The following STT3A variants were observed in gnomAD, a reference collection of about 807,000 sequenced individuals.
STT3A encodes dolichyl-diphosphooligosaccharide--protein glycosyltransferase subunit STT3A.
Under a neutral mutation model 89.2 loss-of-function variants are expected in STT3A, and 34 were observed. The ratio of observed to expected loss-of-function variants is 0.38; its 90% CI spans 0.29 to 0.51. The LOEUF is 0.51. STT3A is among the 20% of genes least tolerant of loss of function. The probability of loss-of-function intolerance (pLI) is 0.89; values close to 1 mark genes in which losing one functional copy is unlikely to be tolerated. For missense variants in STT3A, 555 were observed against 889.5 expected (o/e 0.62, Z 4.78); for synonymous variants, 282 against 310.3 (o/e 0.91, Z 0.96).
chr11:125,611,568 G>C, intron 11 of STT3A, 49 bp downstream of exon 11: 2 of 1,539,070 alleles, frequency 1.3e-6, no homozygotes, highest in Middle Eastern at 3.4e-4. Context: ...ACTCTGAGGT[G>C]CTTTTTTATC....
At chr11:125,592,157 A>G (rs1180200092), upstream of STT3A, among the ~76,000 whole-genome samples, 1 of 152,194 alleles carries the variant, frequency 6.6e-6, no homozygotes, top group Non-Finnish European at 1.5e-5. Flanking sequence ...AGCTGGCAGT[A>G]GAAATGCTTC....
At chr11:125,619,928 A>G (rs1421199828) in intron 16 of STT3A, 83 bp from the exon 17 acceptor site, 1 of 1,146,800 alleles carries the variant, frequency 8.7e-7, no homozygotes, top group African/African-American at 1.5e-5. Context: ...ATCAATTAGT[A>G]GATGGTTTCC....
At chr11:125,612,526 T>TG (rs1940057141) in intron 11 of STT3A, 66 bp from the exon 12 acceptor site, 8 of 1,539,748 alleles carry the variant, frequency 5.2e-6, no homozygotes. Flanking sequence ...CTTGATCTAC[T>TG]AATAGGCTGA....
intron 7 of STT3A, 46 bp from the exon 8 acceptor site, chr11:125,606,255 T>C (rs1217043197): frequency 1.3e-6 from 2 of 1,565,976 alleles, no homozygotes; most frequent in Non-Finnish European, 8.7e-7. Flanking sequence ...GGTGGTGGTC[T>C]GAGGAGGCAT....
chr11:125,620,918 G>A lies in STT3A; in HGVS notation c.*108G>A. 1.1e-6 allele frequency: 1 copy of A among 915,410 alleles called. No individual in the cohort carries two copies. The highest frequency in any genetic ancestry group is 1.6e-6 in the Non-Finnish European group (1 of 619,342). The allele number at this position is 915,410 out of a possible 1,614,324, so 56.7% of individuals were successfully genotyped here. A position where few individuals can be genotyped will look rare whatever the true frequency, so the allele number is the denominator to read the frequency against. On this transcript the variant is annotated 3_prime_UTR_variant, in exon 18 of 18. Coordinates refer to ENST00000392708, the MANE Select transcript of STT3A (RefSeq NM_152713.5). ...ATATGCAGTTTGTAAGAACAAAACTGGATGGCATCAGAATTGTCTGGAAGT... is the reference window on the plus strand; with the variant it reads ...ATATGCAGTTTGTAAGAACAAAACTAGATGGCATCAGAATTGTCTGGAAGT...
rs1420812103 is a variant in STT3A at position 125,618,628 on chromosome 11, C to CAT, written c.1963+70_1963+71dup. The CAT allele has an allele frequency of 4.7e-6, 7 of 1,488,412 alleles. No individual in the cohort carries two copies. The Admixed American group carries it at 1.0e-4, about 21-fold the overall frequency. 92.2% of individuals were successfully genotyped at this position (1,488,412 alleles called of 1,614,324 possible). A position where few individuals can be genotyped will look rare whatever the true frequency, so the allele number is the denominator to read the frequency against. On this transcript the variant is annotated intron_variant, in intron 16 of 17. Transcript: ENST00000392708. ...GTGATTACTAATACACAGTATTTTC[C>CAT]ATATGCCAAGCACTAGTAAGTGCTT...
rs770852125 is a variant in STT3A at position 125,618,578 on chromosome 11, A to G, written c.1963+17A>G. On this transcript the variant is annotated intron_variant, in intron 16 of 17. Transcript: ENST00000392708. ...CAGAAGCCAGTGAGTGACTCATAAT[A>G]ATATTAATAACAGTAGTAATAATAG... is the stretch of plus-strand genomic sequence containing the variant. 5.0e-6 allele frequency: 7 copies of G among 1,410,788 alleles called. No individual in the cohort carries two copies. The South Asian group carries it at 7.2e-5, about 15-fold the overall frequency. The allele number at this position is 1,410,788 out of a possible 1,614,324, so 87.4% of individuals were successfully genotyped here. A position where few individuals can be genotyped will look rare whatever the true frequency, so the allele number is the denominator to read the frequency against.
intron 9 of STT3A, among the ~76,000 whole-genome samples, chr11:125,609,175 A>G (rs1326882023): frequency 6.6e-6 from 1 of 152,190 alleles, no homozygotes; most frequent in Non-Finnish European, 1.5e-5. Context: ...AAACCCTTTC[A>G]GGTAGCATTT....
Position 125,614,128 on chromosome 11 carries a change from T to C in STT3A, c.1596T>C (p.Ile532=), listed in dbSNP as rs758462922. The change falls in exon 14 of 18, where the codon ATT becomes ATC. Residue 532 remains isoleucine, a synonymous_variant. Coordinates refer to ENST00000392708, the MANE Select transcript of STT3A (RefSeq NM_152713.5). The surrounding 1 kb of genome is among the most constrained non-coding windows in gnomAD (Gnocchi z 4.9). ...CCTGGTGGGATTATGGCTATCAGAT[T>C]ACAGCTATGGCAAACCGAACAATTT... is the stretch of plus-strand genomic sequence containing the variant. The part of the protein sequence containing the change: ...VMSWWDYGYQ[I]TAMANRTILV... The C allele has an allele frequency of 9.3e-6, 15 of 1,614,188 alleles. No individual in the cohort carries two copies. In the East Asian group the frequency reaches 3.3e-4, roughly 36 times the overall value.
intron 16 of STT3A, 125 bp downstream of exon 16, chr11:125,618,686 A>AC: frequency 1.1e-6 from 1 of 898,210 alleles, no homozygotes; most frequent in East Asian, 2.7e-5. Flanking sequence ...CCTCACAGCA[A>AC]CCCCAAAGGC....
At chr11:125,593,610 A>T (rs1565339400) in intron 1 of STT3A, 1 of 152,210 alleles carries the variant, frequency 6.6e-6, no homozygotes, top group Non-Finnish European at 1.5e-5. Context: ...GTATCAACGC[A>T]GTGGTGTTAA....
Position 125,612,973 on chromosome 11 carries a change from C to A in STT3A, c.1366-16C>A. 6.2e-7 allele frequency: 1 copy of A among 1,612,566 alleles called. No individual in the cohort carries two copies. The highest frequency in any genetic ancestry group is 1.1e-5 in the South Asian group (1 of 90,998). ...AGTTTGGTTAACTACACAATTAATT[C>A]TTTTTCCTTGTTTAGGTGGCAAGTG... On this transcript the variant is annotated splice_polypyrimidine_tract_variant and intron_variant, in intron 12 of 17. Transcript: ENST00000392708.
At chr11:125,603,888 G>C (rs551983420) in intron 5 of STT3A, among the ~76,000 whole-genome samples, 1 of 152,326 alleles carries the variant, frequency 6.6e-6, no homozygotes, top group Admixed American at 6.5e-5. Context: ...TTCTGGGACA[G>C]TATTGATGTT....
At position 125,620,890 on chromosome 11, in the gene STT3A, T is replaced by TC; in HGVS notation, c.*80_*81insC. 1 of 1,235,172 alleles carries TC rather than the reference T, an allele frequency of 8.1e-7. No homozygotes were observed. The allele number at this position is 1,235,172 out of a possible 1,614,324, so 76.5% of individuals were successfully genotyped here. On this transcript the variant is annotated 3_prime_UTR_variant, in exon 18 of 18. Coordinates refer to ENST00000392708, the MANE Select transcript of STT3A (RefSeq NM_152713.5). The stretch of plus-strand genomic sequence containing the variant: ...TGAAGATTTTTTTTTTTTTTTTTTT[T>TC]TAATATGCAGTTTGTAAGAACAAAA...
Position 125,597,098 on chromosome 11 carries a change from G to C in STT3A, c.128G>C (p.Ser43Thr). The C allele has an allele frequency of 1.2e-6, 2 of 1,614,026 alleles. No individual in the cohort carries two copies. Among genetic ancestry groups the C allele is most frequent in the Non-Finnish European group, 1.7e-6 (2 of 1,180,010 alleles). ...CTGTTTGCTGTCCTGAGATTTGAAA[G>C]TGTTATCCATGAGTTTGATCCGTGA... Reference protein sequence around the residue: ...TRLFAVLRFESVIHEFDPYFN... With the variant: ...TRLFAVLRFETVIHEFDPYFN... Residue 43 changes from serine to threonine, a missense_variant, in exon 3 of 18, where the codon AGT becomes ACT. Around this residue, in one of 5 missense-constraint regions of STT3A, gnomAD observed 129 missense variants for 193.2 expected, o/e 0.67. Transcript: ENST00000392708.
At chr11:125,618,582 T>TTAA (rs1375264814) in intron 16 of STT3A, 21 bp downstream of exon 16, 2 of 1,408,430 alleles carry the variant, frequency 1.4e-6, no homozygotes, top group East Asian at 2.2e-5. Flanking sequence ...CATAATAATA[T>TTAA]TAATAACAGT....
Position 125,614,491 on chromosome 11 carries a change from T to A in STT3A, c.1774+65T>A. 1 of 1,436,398 alleles carries A rather than the reference T, an allele frequency of 7.0e-7. No individual in the cohort carries two copies. Among genetic ancestry groups the A allele is most frequent in the Non-Finnish European group, 9.7e-7 (1 of 1,034,580 alleles). The allele number at this position is 1,436,398 out of a possible 1,614,324, so 89.0% of individuals were successfully genotyped here. On this transcript the variant is annotated intron_variant, in intron 15 of 17. Transcript: ENST00000392708. This position sits in a 1 kb window ranked among gnomAD's most constrained non-coding sequence, Gnocchi z 4.9. ...TTCTAAGAAAACTAGATGAATATCC[T>A]AGTTTTCTGTACTTTTACTAATATT...
At position 125,611,366 on chromosome 11, in the gene STT3A, T is replaced by C. The variant is rs79410451; in HGVS notation, c.1118-62T>C. The C allele has an allele frequency of 2.2e-3, 2,875 of 1,311,674 alleles. 47 individuals are homozygous for C. The African/African-American group carries it at 0.035, about 16-fold the overall frequency. The allele number at this position is 1,311,674 out of a possible 1,614,324, so 81.3% of individuals were successfully genotyped here. A position where few individuals can be genotyped will look rare whatever the true frequency, so the allele number is the denominator to read the frequency against. On this transcript the variant is annotated intron_variant, in intron 10 of 17. Coordinates refer to ENST00000392708, the MANE Select transcript of STT3A (RefSeq NM_152713.5). ...TCATCCAGTCATATAATGAAGATAC[T>C]TTACCTTGTAGGTTTCAACCTACAG...
upstream of STT3A, chr11:125,592,492 A>C (rs1475410868): frequency 2.2e-6 from 1 of 455,858 alleles, no homozygotes. Flanking sequence ...ATTTCAGCGT[A>C]GTTTCCGCTT....
Sources: gnomAD v4.1 joint callset for allele counts (sites outside exome capture counted in the v4.1 genomes callset) on GRCh38, gnomAD v4.1.1 for gene constraint, gnomAD v4.1.1 regional missense constraint, Gnocchi (gnomAD v3.1) non-coding constraint, MANE v1.5 for transcripts, NCBI Gene and HGNC (gene_info 2026-07-23, HGNC 2026-07-21) for gene names.